Variants in WWOX observed in about 807,000 individuals in gnomAD.
WWOX encodes WW domain-containing oxidoreductase.
In WWOX, 69 loss-of-function variants were observed where a neutral mutation model predicts 46.2. That is an observed-to-expected ratio of 1.49 (90% CI 1.23 to 1.82). The LOEUF (loss-of-function observed/expected upper bound fraction) is 1.82. Among genes scored for constraint, WWOX ranks in the 40% most tolerant of loss-of-function variants. The pLI is 0.00. For missense variants in WWOX, 919 were observed against 542.6 expected (o/e 1.69, Z -6.89); for synonymous variants, 359 against 202.6 (o/e 1.77, Z -6.56).
intron 8 of WWOX, chr16:78,996,321 C>G (rs535780273): frequency 3.1e-6 from 3 of 983,502 alleles, no homozygotes; most frequent in Non-Finnish European, 3.6e-6. Context: ...GTTTTTCTAC[C>G]GTGACAGAAG....
chr16:78,631,630 C>A (rs368720608), intron 8 of WWOX, among the ~76,000 whole-genome samples: 6 of 151,356 alleles, frequency 4.0e-5, no homozygotes, highest in Non-Finnish European at 8.8e-5. Context: ...CTTCCTCCTC[C>A]CAGGCTCAAG....
chr16:78,137,714 C>T (rs1363952580), intron 4 of WWOX, among the ~76,000 whole-genome samples: 1 of 152,126 alleles, frequency 6.6e-6, no homozygotes, highest in Non-Finnish European at 1.5e-5. Context: ...GTTGTGGTCT[C>T]TGTTCCACTT....
chr16:78,423,409 T>A (rs7206690), intron 6 of WWOX, among the ~76,000 whole-genome samples: 14,568 of 152,150 alleles, frequency 0.096, 2,006 homozygotes, highest in African/African-American at 0.31. Flanking sequence ...GTTTACTTTA[T>A]ATTTGCTGCT....
intron 8 of WWOX, among the ~76,000 whole-genome samples, chr16:78,910,296 CA>C (rs1006986171): frequency 6.6e-6 from 1 of 152,174 alleles, no homozygotes; most frequent in South Asian, 2.1e-4. Flanking sequence ...ACTCACATGA[CA>C]AAATGGATCC....
chr16:79,180,706 ATTCC>A (rs2150785628), intron 8 of WWOX, among the ~76,000 whole-genome samples: 1 of 150,162 alleles, frequency 6.7e-6, no homozygotes, highest in African/African-American at 2.5e-5. Flanking sequence ...CCATTTCTTC[ATTCC>A]TTTCTTGTCT....
At chr16:78,643,018 G>A (rs563711779) in intron 8 of WWOX, among the ~76,000 whole-genome samples, 1 of 152,162 alleles carries the variant, frequency 6.6e-6, no homozygotes, top group African/African-American at 2.4e-5. Context: ...ACTGTGCCTG[G>A]CACAAAGTAA....
At chr16:79,030,417 T>G (rs1011921215) in intron 8 of WWOX, among the ~76,000 whole-genome samples, 5 of 152,224 alleles carry the variant, frequency 3.3e-5, no homozygotes, top group African/African-American at 1.2e-4. Flanking sequence ...ATGGCCCTTT[T>G]TTCCCAAAGT....
intron 8 of WWOX, among the ~76,000 whole-genome samples, chr16:78,810,654 C>A (rs866886473): frequency 6.6e-6 from 1 of 152,132 alleles, no homozygotes; most frequent in South Asian, 2.1e-4. Flanking sequence ...ACGTTTGGTT[C>A]TAATTGTTAA....
intron 8 of WWOX, among the ~76,000 whole-genome samples, chr16:78,782,842 C>A (rs559804246): frequency 1.3e-5 from 2 of 152,052 alleles, no homozygotes; most frequent in Admixed American, 6.5e-5. Context: ...ACTAAGAGTG[C>A]GAAGAACATT....
intron 8 of WWOX, among the ~76,000 whole-genome samples, chr16:78,489,290 C>G (rs1234805889): frequency 6.6e-6 from 1 of 152,260 alleles, no homozygotes; most frequent in Non-Finnish European, 1.5e-5. Flanking sequence ...GATGTTCTCT[C>G]CAGACCCCCA....
At chr16:78,881,783 G>A (rs1597100667) in intron 8 of WWOX, among the ~76,000 whole-genome samples, 1 of 152,108 alleles carries the variant, frequency 6.6e-6, no homozygotes, top group Non-Finnish European at 1.5e-5. Flanking sequence ...TGCTCAGTTG[G>A]TTTCTATAGT....
At chr16:78,817,826 G>C (rs142435981) in intron 8 of WWOX, among the ~76,000 whole-genome samples, 215 of 152,276 alleles carry the variant, frequency 1.4e-3, no homozygotes, top group African/African-American at 5.1e-3. Context: ...AGTCACCCCA[G>C]TGAAAAGTTT....
intron 5 of WWOX, among the ~76,000 whole-genome samples, chr16:78,248,644 G>T (rs2037892677): frequency 6.6e-6 from 1 of 152,076 alleles, no homozygotes; most frequent in Non-Finnish European, 1.5e-5. Flanking sequence ...GCTGAGGCAG[G>T]AGAATTGCTT....
At chr16:78,817,952 G>A (rs764080941) in intron 8 of WWOX, among the ~76,000 whole-genome samples, 7 of 152,314 alleles carry the variant, frequency 4.6e-5, no homozygotes, top group Admixed American at 1.3e-4. Context: ...TGAAGAACAC[G>A]TGCCTTGGAA....
intron 5 of WWOX, among the ~76,000 whole-genome samples, chr16:78,217,688 G>A (rs1597364875): frequency 6.6e-6 from 1 of 152,226 alleles, no homozygotes; most frequent in African/African-American, 2.4e-5. Flanking sequence ...ACATGCCTGA[G>A]ACGTTAAAGG....
chr16:78,207,182 C>G (rs1202688754), intron 5 of WWOX, among the ~76,000 whole-genome samples: 5 of 152,184 alleles, frequency 3.3e-5, no homozygotes, highest in Non-Finnish European at 5.9e-5. Context: ...ATATGATGGT[C>G]TTAGTTACCC....
At chr16:79,116,077 T>C (rs1319888012) in intron 8 of WWOX, among the ~76,000 whole-genome samples, 1 of 152,214 alleles carries the variant, frequency 6.6e-6, no homozygotes, top group Non-Finnish European at 1.5e-5. Context: ...ACAATGTACA[T>C]ACCTTAATTT....
At chr16:78,318,453 C>G (rs1474900619) in intron 5 of WWOX, among the ~76,000 whole-genome samples, 5 of 151,994 alleles carry the variant, frequency 3.3e-5, no homozygotes, top group African/African-American at 9.7e-5. Context: ...TAATATTATT[C>G]TGTTGTTTCC....
chr16:79,155,334 C>G (rs1272355516), intron 8 of WWOX, among the ~76,000 whole-genome samples: 1 of 152,044 alleles, frequency 6.6e-6, no homozygotes, highest in Non-Finnish European at 1.5e-5. Flanking sequence ...TGAGATCACG[C>G]CATTGCACTC....
Sources: gnomAD v4.1 joint callset for allele counts (sites outside exome capture counted in the v4.1 genomes callset) on GRCh38, gnomAD v4.1.1 for gene constraint, MANE v1.5 for transcripts, NCBI Gene and HGNC (gene_info 2026-07-23, HGNC 2026-07-21) for gene names.